Variants in MTHFS observed in about 807,000 individuals in gnomAD.
MTHFS encodes the protein methenyltetrahydrofolate synthetase, also known as 5-formyltetrahydrofolate cyclo-ligase.
MTHFS carries 7 observed loss-of-function variants against 12.7 expected under a neutral mutation model. The observed-to-expected ratio is 0.55, with a 90% CI of 0.31 to 1.03. The LOEUF is 1.03. Ranked by LOEUF, MTHFS falls within the 50% of genes least tolerant of loss-of-function variation. The probability of loss-of-function intolerance (pLI) is 0.05; values close to 1 mark genes in which losing one functional copy is unlikely to be tolerated. For synonymous variants in MTHFS, 100 were observed against 97.1 expected (o/e 1.03, Z -0.18); for missense variants, 252 against 258.1 (o/e 0.98, Z 0.16).
chr15:79,871,057 T>G (rs1020383643), intron 2 of MTHFS, among the ~76,000 whole-genome samples: 1 of 152,034 alleles, frequency 6.6e-6, no homozygotes, highest in African/African-American at 2.4e-5. Flanking sequence ...GCAGGAGAAT[T>G]ACTTGAACCT....
In MTHFS at chr15:79,869,805, CAGA is replaced by C. The variant is rs1328017366; in HGVS notation, c.379+19285_379+19287del. Among the ~76,000 whole-genome samples the C allele has an allele frequency of 4.6e-5, 7 of 152,150 alleles. No individual in the cohort carries two copies. In the East Asian group the frequency reaches 1.2e-3, roughly 25 times the overall value. On this transcript the variant is annotated intron_variant, in intron 2 of 2. Transcript: ENST00000258874. ...GATGGCAAAGGAATAACAGGATAGACAGAAGAAGAACCCAAATCAATAAAATAG... is the reference window on the plus strand; with the variant it reads ...GATGGCAAAGGAATAACAGGATAGACAGAAGAACCCAAATCAATAAAATAG...
At chr15:79,870,767 A>G (rs1413265255) in intron 2 of MTHFS, among the ~76,000 whole-genome samples, 1 of 152,228 alleles carries the variant, frequency 6.6e-6, no homozygotes, top group African/African-American at 2.4e-5. Flanking sequence ...AATGTCAATG[A>G]AAAAAATTCT....
At position 79,844,716 on chromosome 15, in the gene MTHFS, G is replaced by T. The variant is rs918609636; in HGVS notation, c.*494C>A. Among the ~76,000 whole-genome samples the T allele has an allele frequency of 2.0e-4, 31 of 152,100 alleles. No individual in the cohort carries two copies. Among genetic ancestry groups the T allele is most frequent in the Non-Finnish European group, 7.4e-5 (5 of 68,018 alleles). Reference sequence around the variant, plus strand: ...GTGTCCAACATAAAATTCTAGAGTGGGTAAAGGAAGTCATGATGAAGTGAG... The same window carrying T: ...GTGTCCAACATAAAATTCTAGAGTGTGTAAAGGAAGTCATGATGAAGTGAG... On this transcript the variant is annotated 3_prime_UTR_variant, in exon 3 of 3. Coordinates refer to ENST00000258874, the MANE Select transcript of MTHFS (RefSeq NM_006441.4).
intron 1 of MTHFS, among the ~76,000 whole-genome samples, chr15:79,889,980 G>GAAC (rs1438832501): frequency 6.6e-6 from 1 of 152,088 alleles, no homozygotes; most frequent in East Asian, 1.9e-4. Flanking sequence ...CTGAGGCAGA[G>GAAC]AACATGCCTC....
At chr15:79,885,878 C>T (rs537484209) in intron 2 of MTHFS, among the ~76,000 whole-genome samples, 1 of 152,330 alleles carries the variant, frequency 6.6e-6, no homozygotes, top group East Asian at 1.9e-4. Context: ...GCCACTGATC[C>T]AGCCAGCCCT....
At chr15:79,855,181 C>CA (rs1006309781) in intron 2 of MTHFS, among the ~76,000 whole-genome samples, 15 of 150,250 alleles carry the variant, frequency 1.0e-4, no homozygotes, top group East Asian at 7.7e-4. Flanking sequence ...AGGTTTTTAA[C>CA]AAAAAAAAAT....
rs1230014815 is a variant in MTHFS, at chr15:79,885,957, T to C, written c.379+3136A>G. The stretch of plus-strand genomic sequence containing the variant: ...GCTTAAGCCCGGTTGAATCAGACTA[T>C]ATACTTGCATTGGAAAAATTCCTGC... On this transcript the variant is annotated intron_variant, in intron 2 of 2. Coordinates refer to ENST00000258874, the MANE Select transcript of MTHFS (RefSeq NM_006441.4). Among the ~76,000 whole-genome samples, 13 of 152,380 alleles carry C rather than the reference T, an allele frequency of 8.5e-5. 1 individual carries two copies. Among genetic ancestry groups the C allele is most frequent in the African/African-American group, 1.9e-4 (8 of 41,582 alleles).
At chr15:79,848,496 A>G (rs1386793267) in intron 2 of MTHFS, among the ~76,000 whole-genome samples, 2 of 150,892 alleles carry the variant, frequency 1.3e-5, no homozygotes, top group African/African-American at 4.9e-5. Flanking sequence ...CTCACATTAT[A>G]TGTTATTTAC....
At chr15:79,855,598 A>C (rs2033784452) in intron 2 of MTHFS, among the ~76,000 whole-genome samples, 1 of 152,186 alleles carries the variant, frequency 6.6e-6, no homozygotes, top group Non-Finnish European at 1.5e-5. Flanking sequence ...TTTGGTGTAC[A>C]GATTATTTCA....
At chr15:79,857,284 C>A (rs1359260999) in intron 2 of MTHFS, among the ~76,000 whole-genome samples, 1 of 152,098 alleles carries the variant, frequency 6.6e-6, no homozygotes, top group Non-Finnish European at 1.5e-5. Flanking sequence ...CAGGCATGAG[C>A]CACCGTGCCT....
At chr15:79,861,307 C>T (rs111653082) in intron 2 of MTHFS, among the ~76,000 whole-genome samples, 3,112 of 152,300 alleles carry the variant, frequency 0.02, 91 homozygotes, top group African/African-American at 0.07. Flanking sequence ...CATCGTCCCC[C>T]TCCATACACC....
intron 2 of MTHFS, among the ~76,000 whole-genome samples, chr15:79,885,967 T>C (rs1046517274): frequency 9.2e-5 from 14 of 152,358 alleles, no homozygotes; most frequent in South Asian, 4.1e-4. Context: ...TATACTTGCA[T>C]TGGAAAAATT....
chr15:79,889,189 T>C lies in MTHFS; in HGVS notation c.283A>G (p.Ile95Val), dbSNP rs1484240468. ...AAAGAAATTTCCTCTGGTGATTCTA[T>C]TCTCACCATATCCATGTGATTGCTC... ...FQSNHMDMVR[I>V]ESPEEISLLP... is the part of the protein sequence containing the mutation. Residue 95 changes from isoleucine (I) to valine (V), a missense_variant, in exon 2 of 3, where the codon ATA becomes GTA. Coordinates refer to ENST00000258874, the MANE Select transcript of MTHFS (RefSeq NM_006441.4). 1.2e-6 allele frequency: 2 copies of C among 1,614,082 alleles called. No individual in the cohort carries two copies. The highest frequency in any genetic ancestry group is 1.3e-5 in the African/African-American group (1 of 74,928).
intron 2 of MTHFS, among the ~76,000 whole-genome samples, chr15:79,860,230 A>G (rs1347348387): frequency 6.6e-6 from 1 of 152,100 alleles, no homozygotes; most frequent in Admixed American, 6.5e-5. Flanking sequence ...TCTACCAAAA[A>G]TACAAAAAAT....
At chr15:79,895,362 G>A (rs11857806) in intron 1 of MTHFS, among the ~76,000 whole-genome samples, 4,319 of 152,146 alleles carry the variant, frequency 0.028, 245 homozygotes, top group African/African-American at 0.099. Context: ...CCTCCCCAAG[G>A]CTATGTTTCC....
At chr15:79,846,549 CTG>C (rs1173913717) in intron 2 of MTHFS, among the ~76,000 whole-genome samples, 1 of 152,236 alleles carries the variant, frequency 6.6e-6, no homozygotes, top group African/African-American at 2.4e-5. Context: ...ACCTGCAGAA[CTG>C]TGAGGTGAAC....
intron 1 of MTHFS, among the ~76,000 whole-genome samples, chr15:79,891,917 C>G (rs972226449): frequency 2.5e-5 from 3 of 119,762 alleles, no homozygotes; most frequent in African/African-American, 9.7e-5. Flanking sequence ...GAGCCAAGAT[C>G]ATGCCATTGC....
chr15:79,875,720 T>C (rs1267786035), intron 2 of MTHFS, among the ~76,000 whole-genome samples: 2 of 152,072 alleles, frequency 1.3e-5, no homozygotes, highest in Non-Finnish European at 2.9e-5. Context: ...AATTATTACA[T>C]AGGACTCCAT....
At chr15:79,892,404 TC>T (rs1388726884) in intron 1 of MTHFS, among the ~76,000 whole-genome samples, 2 of 152,182 alleles carry the variant, frequency 1.3e-5, no homozygotes, top group Non-Finnish European at 2.9e-5. Flanking sequence ...AAACACATAT[TC>T]TTGATTTGTC....
Sources: allele counts gnomAD v4.1 joint callset (sites outside exome capture counted in the v4.1 genomes callset), GRCh38; gene constraint gnomAD v4.1.1; transcripts MANE v1.5; gene names NCBI Gene and HGNC (gene_info 2026-07-23, HGNC 2026-07-21).